KMO: variants seen among roughly 807,000 people sequenced by gnomAD.
The protein encoded by KMO is kynurenine 3-hydroxylase.
A neutral mutation model predicts 57.8 loss-of-function variants in KMO; 24 were observed. The ratio of observed to expected loss-of-function variants is 0.42; its 90% confidence interval spans 0.30 to 0.58. The LOEUF (loss-of-function observed/expected upper bound fraction) is 0.58, where lower values mean the gene tolerates loss of function less well. Among genes scored for constraint, KMO ranks in the 20% least tolerant of loss-of-function variants. The pLI is 0.22. For missense variants in KMO, 483 were observed against 588.2 expected (o/e 0.82, Z 1.85); for synonymous variants, 210 against 193.6 (o/e 1.08, Z -0.70).
chr1:241,550,241 GT>G (rs780234014), intron 3 of KMO, among the ~76,000 whole-genome samples: 8 of 152,184 alleles, frequency 5.3e-5, no homozygotes, highest in Non-Finnish European at 1.0e-4. Flanking sequence ...GCATAAATAT[GT>G]TTTGCTACAG....
At chr1:241,569,503 G>T (rs955513181) in intron 10 of KMO, among the ~76,000 whole-genome samples, 25 of 152,082 alleles carry the variant, frequency 1.6e-4, no homozygotes, top group Middle Eastern at 3.4e-3. Flanking sequence ...TTTTTTTATA[G>T]CTGAATAATA....
chr1:241,584,499 G>A (rs1246495123), intron 10 of KMO, among the ~76,000 whole-genome samples: 1 of 152,210 alleles, frequency 6.6e-6, no homozygotes, highest in African/African-American at 2.4e-5. Flanking sequence ...AGCAAAACCT[G>A]ATTGACAAGG....
intron 10 of KMO, among the ~76,000 whole-genome samples, chr1:241,570,597 ATG>A (rs1478736639): frequency 6.6e-6 from 1 of 151,870 alleles, no homozygotes; most frequent in African/African-American, 2.4e-5. Flanking sequence ...CTAAAATTGA[ATG>A]TGGATATATT....
chr1:241,532,778 G>A (rs551480438), intron 1 of KMO, among the ~76,000 whole-genome samples: 46 of 152,106 alleles, frequency 3.0e-4, no homozygotes, highest in Admixed American at 5.9e-4. Flanking sequence ...TTGTTAAAAA[G>A]CAAAAATAAT....
chr1:241,562,105 G>A (rs1219015187), intron 6 of KMO, 62 bp from the exon 7 acceptor site: 2 of 1,419,890 alleles, frequency 1.4e-6, no homozygotes, highest in African/African-American at 2.8e-5. Flanking sequence ...ATACCCAGAG[G>A]TACATCATCA....
At chr1:241,571,146 A>T (rs1015705868) in intron 10 of KMO, among the ~76,000 whole-genome samples, 5 of 151,746 alleles carry the variant, frequency 3.3e-5, no homozygotes, top group Non-Finnish European at 5.9e-5. Flanking sequence ...TAACTTTACT[A>T]AATTTGTTTA....
In KMO at chr1:241,588,819, A is replaced by T. The variant is rs1383029224; in HGVS notation, c.1087A>T (p.Asn363Tyr). The T allele has an allele frequency of 6.2e-7, 1 of 1,610,112 alleles. No individual in the cohort carries two copies. The highest frequency in any genetic ancestry group is 1.1e-5 in the South Asian group (1 of 91,012). ...DHAISDLSMY[N>Y]YIEMRAHVNS... ...CGCGATTTCAGACCTATCCATGTACAATTACATAGAGGTGAGTGAGAAGGT... is the reference window on the plus strand; with the variant it reads ...CGCGATTTCAGACCTATCCATGTACTATTACATAGAGGTGAGTGAGAAGGT... Residue 363 changes from asparagine (N) to tyrosine (Y), a missense_variant, in exon 12 of 15, where the codon AAT becomes TAT. By Grantham distance (143) the Asn-to-Tyr change is moderately radical. Around this residue, in one of 3 missense-constraint regions of KMO, gnomAD observed 410 missense variants for 492.3 expected, o/e 0.83. Transcript: ENST00000366559.
In KMO at chr1:241,552,641, A is replaced by G. The variant is rs374616808; in HGVS notation, c.312+1597A>G. Among the ~76,000 whole-genome samples, 90 of 152,264 alleles carry G rather than the reference A, an allele frequency of 5.9e-4. No individual in the cohort carries two copies. In the South Asian group the frequency reaches 0.018, roughly 30 times the overall value. ...ATCTCCTCCACCAATTCCCACAGAC[A>G]ACACTCACTCAAAAGATGCATGGGT... On this transcript the variant is annotated intron_variant, in intron 4 of 14. Transcript: ENST00000366559.
intron 2 of KMO, 33 bp downstream of exon 2, chr1:241,548,931 C>T: frequency 6.9e-7 from 1 of 1,453,100 alleles, no homozygotes; most frequent in Non-Finnish European, 9.7e-7. Flanking sequence ...AGGATGAACG[C>T]TGGGCACGGT....
chr1:241,583,743 A>G (rs1030036006), intron 10 of KMO, among the ~76,000 whole-genome samples: 1 of 152,178 alleles, frequency 6.6e-6, no homozygotes, highest in Non-Finnish European at 1.5e-5. Flanking sequence ...TTTAAAAAAT[A>G]CTTCCAATCA....
Position 241,548,930 on chromosome 1 carries a change from G to T in KMO, c.124+32G>T, listed in dbSNP as rs61825636. 3.5e-4 allele frequency: 515 copies of T among 1,458,368 alleles called. 5 individuals carry two copies. The South Asian group carries it at 5.2e-3, about 15-fold the overall frequency. The allele number at this position is 1,458,368 out of a possible 1,614,324, so 90.3% of individuals were successfully genotyped here. On this transcript the variant is annotated intron_variant, in intron 2 of 14. Transcript: ENST00000366559. Reference sequence around the variant, plus strand: ...CCATGGTGAAAAAAGCAGGATGAACGCTGGGCACGGTGGCTCCTGGCACTT... The same window carrying T: ...CCATGGTGAAAAAAGCAGGATGAACTCTGGGCACGGTGGCTCCTGGCACTT...
intron 4 of KMO, 103 bp downstream of exon 4, chr1:241,551,147 C>T: frequency 1.4e-6 from 1 of 703,936 alleles, no homozygotes; most frequent in East Asian, 2.9e-5. Flanking sequence ...CTATCTCTGA[C>T]ATTGCTTGGC....
chr1:241,575,017 T>C (rs1662452382), intron 10 of KMO, among the ~76,000 whole-genome samples: 1 of 152,048 alleles, frequency 6.6e-6, no homozygotes, highest in Admixed American at 6.6e-5. Flanking sequence ...TGTCTAGAAA[T>C]TTATCCATTT....
In KMO at chr1:241,592,033, A is replaced by G; in HGVS notation, c.1341A>G (p.Pro447=). Residue 447 remains proline (P), a synonymous_variant, in exon 15 of 15, where the codon CCA becomes CCG. Coordinates refer to ENST00000366559, the MANE Select transcript of KMO (RefSeq NM_003679.5). Reference sequence around the variant, plus strand: ...ACCTACTTATACACTACATGTCACCACGATCTTTCCTCCGCTTGAGAAGAC... The same window carrying G: ...ACCTACTTATACACTACATGTCACCGCGATCTTTCCTCCGCTTGAGAAGAC... ...STYLLIHYMS[P]RSFLRLRRPW... The G allele has an allele frequency of 6.2e-7, 1 of 1,614,012 alleles. No individual in the cohort carries two copies. Among genetic ancestry groups the G allele is most frequent in the East Asian group, 2.2e-5 (1 of 44,864 alleles).
At chr1:241,578,270 A>C (rs1349233070) in intron 10 of KMO, among the ~76,000 whole-genome samples, 1 of 152,154 alleles carries the variant, frequency 6.6e-6, no homozygotes, top group East Asian at 1.9e-4. Context: ...ATTGGGTTAG[A>C]ACTGCAGACT....
chr1:241,581,547 C>G (rs1232104879), intron 10 of KMO, among the ~76,000 whole-genome samples: 2 of 149,926 alleles, frequency 1.3e-5, no homozygotes, highest in African/African-American at 4.9e-5. Context: ...ATCTTACAAC[C>G]AAGTATTTTA....
chr1:241,559,510 G>A (rs1661760888), intron 5 of KMO, among the ~76,000 whole-genome samples: 1 of 152,060 alleles, frequency 6.6e-6, no homozygotes, highest in Admixed American at 6.6e-5. Context: ...AGTATATCAG[G>A]TCAATTCTGA....
chr1:241,591,982 A>C lies in KMO; in HGVS notation c.1290A>C (p.Gly430=). The C allele has an allele frequency of 6.2e-7, 1 of 1,613,914 alleles. No individual in the cohort carries two copies. Among genetic ancestry groups the C allele is most frequent in the Non-Finnish European group, 8.5e-7 (1 of 1,179,856 alleles). The part of the protein sequence containing the change: ...KVINKGLFFL[G]SLIAISSTYL... ...TAAACAAAGGACTCTTTTTCTTGGG[A>C]TCACTGATAGCCATCAGCAGTACCT... Residue 430 remains glycine, a synonymous_variant, in exon 15 of 15, where the codon GGA becomes GGC. Coordinates refer to ENST00000366559, the MANE Select transcript of KMO (RefSeq NM_003679.5).
At chr1:241,566,744 G>C in intron 9 of KMO, 132 bp downstream of exon 9, 1 of 941,366 alleles carries the variant, frequency 1.1e-6, no homozygotes, top group South Asian at 1.5e-5. Context: ...ACCTACATTA[G>C]AGCAAAAGTC....
Sources: gnomAD v4.1 joint callset for allele counts (sites outside exome capture counted in the v4.1 genomes callset) on GRCh38, gnomAD v4.1.1 for gene constraint, gnomAD v4.1.1 regional missense constraint, MANE v1.5 for transcripts, NCBI Gene and HGNC (gene_info 2026-07-23, HGNC 2026-07-21) for gene names.